The following KAZN variants were observed in gnomAD, a reference collection of about 807,000 sequenced individuals.
KAZN encodes the protein kazrin, periplakin interacting protein.
Under a neutral mutation model 87.4 loss-of-function variants are expected in KAZN, and 40 were observed. The ratio of observed to expected loss-of-function variants is 0.46; its 90% CI spans 0.36 to 0.60. The LOEUF (loss-of-function observed/expected upper bound fraction) is 0.60, where lower values mean the gene tolerates loss of function less well. KAZN is among the 20% of genes least tolerant of loss of function. KAZN has a pLI of 0.00. For missense variants in KAZN, 898 were observed against 1,073.9 expected (o/e 0.84, Z 2.29); for synonymous variants, 466 against 458.3 (o/e 1.02, Z -0.22).
intron 1 of KAZN, among the ~76,000 whole-genome samples, chr1:14,654,117 T>A (rs1396944263): frequency 6.6e-6 from 1 of 152,020 alleles, no homozygotes; most frequent in Non-Finnish European, 1.5e-5. Context: ...GAAACCCCTG[T>A]CTCTACCAAA....
At chr1:14,868,520 C>A (rs536219911) in intron 1 of KAZN, among the ~76,000 whole-genome samples, 1 of 152,104 alleles carries the variant, frequency 6.6e-6, no homozygotes. Flanking sequence ...TTAACCACTT[C>A]CCCGTGGGCC....
intron 1 of KAZN, among the ~76,000 whole-genome samples, chr1:14,144,815 C>T (rs558825028): frequency 6.6e-6 from 1 of 152,108 alleles, no homozygotes; most frequent in South Asian, 2.1e-4. Flanking sequence ...AAGTTCCAGG[C>T]TCCTTTTAAC....
At chr1:14,140,113 T>C (rs764522942) in intron 1 of KAZN, among the ~76,000 whole-genome samples, 1 of 152,090 alleles carries the variant, frequency 6.6e-6, no homozygotes, top group Non-Finnish European at 1.5e-5. Context: ...AACCCAACTC[T>C]CTTTCTCCTG....
chr1:14,293,838 C>A (rs1443232616), intron 2 of KAZN, among the ~76,000 whole-genome samples: 1 of 152,094 alleles, frequency 6.6e-6, no homozygotes, highest in African/African-American at 2.4e-5. Flanking sequence ...CCTCAGTTTC[C>A]CCAAGGTGGT....
intron 2 of KAZN, among the ~76,000 whole-genome samples, chr1:14,992,430 G>A (rs1573002616): frequency 6.6e-6 from 1 of 152,256 alleles, no homozygotes; most frequent in African/African-American, 2.4e-5. Flanking sequence ...GAGACAAATA[G>A]GAACCAGTCC....
chr1:14,988,446 T>A (rs1667042139), intron 2 of KAZN, among the ~76,000 whole-genome samples: 1 of 152,220 alleles, frequency 6.6e-6, no homozygotes, highest in Admixed American at 6.5e-5. Context: ...GCCTGGCAGC[T>A]CCACCCGGCC....
chr1:14,366,782 CAT>C (rs1156787218), intron 2 of KAZN, among the ~76,000 whole-genome samples: 1 of 152,254 alleles, frequency 6.6e-6, no homozygotes, highest in Non-Finnish European at 1.5e-5. Context: ...TGCCTTTTCA[CAT>C]GAGGTGGCTG....
intron 2 of KAZN, among the ~76,000 whole-genome samples, chr1:14,284,387 T>G (rs1653081167): frequency 6.6e-6 from 1 of 152,068 alleles, no homozygotes; most frequent in Non-Finnish European, 1.5e-5. Context: ...GGAAAGGAGC[T>G]TCCCAGGCAG....
intron 2 of KAZN, among the ~76,000 whole-genome samples, chr1:14,371,231 C>A (rs528471977): frequency 1.3e-5 from 2 of 152,284 alleles, no homozygotes; most frequent in South Asian, 4.2e-4. Flanking sequence ...GATGCTGATG[C>A]TGCTGGTCAG....
chr1:14,253,858 A>G (rs1650266570), intron 2 of KAZN, among the ~76,000 whole-genome samples: 1 of 150,238 alleles, frequency 6.7e-6, no homozygotes, highest in Admixed American at 6.7e-5. Context: ...TCGCAGATGT[A>G]TGAGCTCCTG....
At chr1:14,523,817 A>C (rs1671710785) in intron 2 of KAZN, among the ~76,000 whole-genome samples, 2 of 152,346 alleles carry the variant, frequency 1.3e-5, no homozygotes, top group African/African-American at 4.8e-5. Context: ...TGGTGGCCAC[A>C]GGAAGGCTCA....
In KAZN at chr1:14,849,823, A is replaced by AGTTT. The variant is rs541880025; in HGVS notation, c.227-110860_227-110857dup. The stretch of plus-strand genomic sequence containing the variant: ...TTTCCATAGCAGCAGAAGTATTTTG[A>AGTTT]GTTTTTCCATCTTACTCACGGCTCC... On this transcript the variant is annotated intron_variant, in intron 1 of 14. Coordinates refer to ENST00000376030, the MANE Select transcript of KAZN (RefSeq NM_201628.3). 2.3e-3 allele frequency among the ~76,000 whole-genome samples: 344 copies of AGTTT among 152,242 alleles called. 1 individual carries two copies. Among genetic ancestry groups the AGTTT allele is most frequent in the Admixed American group, 3.7e-3 (57 of 15,296 alleles).
intron 1 of KAZN, among the ~76,000 whole-genome samples, chr1:14,886,376 T>A (rs148032802): frequency 0.025 from 3,820 of 152,068 alleles, 170 homozygotes; most frequent in African/African-American, 0.087. Flanking sequence ...TGAGCTGTGA[T>A]TGTGCCACTG....
intron 1 of KAZN, among the ~76,000 whole-genome samples, chr1:14,604,364 G>C (rs1677200985): frequency 6.6e-6 from 1 of 152,166 alleles, no homozygotes; most frequent in East Asian, 1.9e-4. Context: ...GAGTTCTGCT[G>C]ACCCCTGTCA....
At chr1:14,537,900 A>G (rs1188405407) in intron 2 of KAZN, among the ~76,000 whole-genome samples, 1 of 152,218 alleles carries the variant, frequency 6.6e-6, no homozygotes, top group Non-Finnish European at 1.5e-5. Flanking sequence ...GTTGAAAGTA[A>G]TGAAAACTCA....
chr1:14,970,669 G>T (rs1664933692), intron 2 of KAZN, among the ~76,000 whole-genome samples: 1 of 152,104 alleles, frequency 6.6e-6, no homozygotes, highest in Non-Finnish European at 1.5e-5. Flanking sequence ...GCCCTTTCCG[G>T]CGTCTGCTTC....
intron 1 of KAZN, among the ~76,000 whole-genome samples, chr1:14,916,170 C>CTTTT (rs71307000): frequency 0.023 from 2,654 of 113,536 alleles, 225 homozygotes; most frequent in African/African-American, 0.034. Flanking sequence ...CACTGTTGTT[C>CTTTT]TTTTTTTTTT....
chr1:14,866,163 ACTCTCTTT>A (rs151153351), intron 1 of KAZN, among the ~76,000 whole-genome samples: 44,138 of 150,722 alleles, frequency 0.29, 6,959 homozygotes, highest in East Asian at 0.54. Flanking sequence ...TCTGCCTGGA[ACTCTCTTT>A]CAGCTTCCCC....
At chr1:14,956,820 G>T (rs1663171355) in intron 1 of KAZN, among the ~76,000 whole-genome samples, 1 of 152,146 alleles carries the variant, frequency 6.6e-6, no homozygotes, top group Non-Finnish European at 1.5e-5. Context: ...GTGAGCTGAG[G>T]TGGGAGCACC....
Sources: allele counts gnomAD v4.1 joint callset (sites outside exome capture counted in the v4.1 genomes callset), GRCh38; gene constraint gnomAD v4.1.1; transcripts MANE v1.5; gene names NCBI Gene and HGNC (gene_info 2026-07-23, HGNC 2026-07-21).